Variants in PPFIA2 observed in about 807,000 individuals in gnomAD.
PPFIA2 encodes the protein liprin-alpha-2.
Under a neutral mutation model 175.5 loss-of-function variants are expected in PPFIA2, and 46 were observed. The ratio of observed to expected loss-of-function variants is 0.26; its 90% CI spans 0.21 to 0.34. PPFIA2 has a LOEUF of 0.34. Ranked by LOEUF, PPFIA2 falls within the 10% of genes least tolerant of loss-of-function variation. PPFIA2 has a pLI of 1.00. For synonymous variants in PPFIA2, 568 were observed against 511.4 expected (o/e 1.11, Z -1.49); for missense variants, 1,179 against 1,506.1 (o/e 0.78, Z 3.60).
At position 81,312,150 on chromosome 12, in the gene PPFIA2, T is replaced by C. The variant is rs2051088142; in HGVS notation, c.2643-12768A>G. The stretch of plus-strand genomic sequence containing the variant: ...TAAACATGTTCAGCAGCCATTGTGA[T>C]TCAACTTACCCAGATGTGCTTTTCA... On this transcript the variant is annotated intron_variant, in intron 22 of 32. Coordinates refer to ENST00000549396, the MANE Select transcript of PPFIA2 (RefSeq NM_003625.5). 4.6e-6 allele frequency: 7 copies of C among 1,534,916 alleles called. No individual in the cohort carries two copies. The East Asian group carries it at 1.7e-4, about 38-fold the overall frequency.
At chr12:81,701,434 A>G (rs2076466176) in intron 3 of PPFIA2, among the ~76,000 whole-genome samples, 1 of 152,114 alleles carries the variant, frequency 6.6e-6, no homozygotes, top group Non-Finnish European at 1.5e-5. Flanking sequence ...ATCCATCCAC[A>G]TAATTTTGAT....
At chr12:81,594,097 C>A (rs2058987279) in intron 4 of PPFIA2, among the ~76,000 whole-genome samples, 1 of 152,052 alleles carries the variant, frequency 6.6e-6, no homozygotes, top group South Asian at 2.1e-4. Context: ...TATGTTGCAC[C>A]TGCCTTACAG....
chr12:81,263,018 T>C (rs1392281623), intron 31 of PPFIA2, among the ~76,000 whole-genome samples: 2 of 152,198 alleles, frequency 1.3e-5, no homozygotes, highest in Non-Finnish European at 2.9e-5. Flanking sequence ...CTTTTTGGGA[T>C]GTTATAAATT....
At chr12:81,298,674 GT>G (rs1565991185) in intron 23 of PPFIA2, among the ~76,000 whole-genome samples, 1 of 152,172 alleles carries the variant, frequency 6.6e-6, no homozygotes, top group East Asian at 1.9e-4. Flanking sequence ...GTCAAGGTCA[GT>G]TTCTGCTGCC....
At chr12:81,413,700 A>C (rs184856341) in intron 7 of PPFIA2, among the ~76,000 whole-genome samples, 1 of 151,860 alleles carries the variant, frequency 6.6e-6, no homozygotes, top group Non-Finnish European at 1.5e-5. Flanking sequence ...AATATGATTC[A>C]CATGCATTGA....
intron 4 of PPFIA2, among the ~76,000 whole-genome samples, chr12:81,671,344 C>A (rs1346741063): frequency 6.6e-6 from 1 of 151,870 alleles, no homozygotes; most frequent in Non-Finnish European, 1.5e-5. Context: ...CTTGTTGTCA[C>A]CTTACAGGCT....
In PPFIA2 at chr12:81,263,257, C is replaced by T; in HGVS notation, c.3689G>A (p.Gly1230Glu). 1.2e-6 allele frequency: 2 copies of T among 1,610,528 alleles called. No homozygotes were observed. The highest frequency in any genetic ancestry group is 1.7e-6 in the Non-Finnish European group (2 of 1,177,980). ...ATCTGTTGTCATTTTTCTTGACTGC[C>T]CAGAGGTTGTGGTTAACCTAAATCC... The part of the protein sequence containing the change: ...PAGFRLTTTS[G>E]QSRKMTTDVA... The change falls in exon 31 of 33, where the codon GGG becomes GAG. Residue 1230 changes from glycine to glutamate, a missense_variant. Coordinates refer to ENST00000549396, the MANE Select transcript of PPFIA2 (RefSeq NM_003625.5).
chr12:81,334,504 AT>A, intron 21 of PPFIA2, among the ~76,000 whole-genome samples: 1 of 151,400 alleles, frequency 6.6e-6, no homozygotes, highest in African/African-American at 2.4e-5. Flanking sequence ...AAAAAAAAAA[AT>A]AAATCTCCTC....
At chr12:81,529,703 C>T (rs1480083592) in intron 4 of PPFIA2, among the ~76,000 whole-genome samples, 3 of 151,896 alleles carry the variant, frequency 2.0e-5, no homozygotes, top group Non-Finnish European at 4.4e-5. Context: ...TTGGCTAACT[C>T]CAGCTCCTCC....
At chr12:81,382,037 AAGTATATC>A (rs2037838157) in intron 9 of PPFIA2, among the ~76,000 whole-genome samples, 2 of 152,304 alleles carry the variant, frequency 1.3e-5, no homozygotes, top group East Asian at 3.9e-4. Context: ...TATGATAACC[AAGTATATC>A]AGTAAAATAT....
intron 4 of PPFIA2, among the ~76,000 whole-genome samples, chr12:81,571,820 A>G (rs2072599499): frequency 6.6e-6 from 1 of 152,104 alleles, no homozygotes; most frequent in African/African-American, 2.4e-5. Context: ...ATTTTGTCCA[A>G]TGTGACAAGC....
At position 81,741,990 on chromosome 12, in the gene PPFIA2, A is replaced by G. The variant is rs2082380868; in HGVS notation, c.249+11983T>C. ...TGAAAAGGTAAAGAAAGCAAGCCAT[A>G]TGGTTATTTAGGGGACAACTTTTCC... On this transcript the variant is annotated intron_variant, in intron 3 of 32. Transcript: ENST00000549396. 1.3e-5 allele frequency among the ~76,000 whole-genome samples: 2 copies of G among 152,302 alleles called. 1 individual carries two copies. Among genetic ancestry groups the G allele is most frequent in the South Asian group, 4.1e-4 (2 of 4,828 alleles).
chr12:81,477,405 G>T (rs572186077), intron 4 of PPFIA2, among the ~76,000 whole-genome samples: 1 of 152,094 alleles, frequency 6.6e-6, no homozygotes, highest in Non-Finnish European at 1.5e-5. Context: ...TTTACAAAAT[G>T]ATATATTCCA....
chr12:81,731,694 G>A (rs2080933916), intron 3 of PPFIA2, among the ~76,000 whole-genome samples: 1 of 151,618 alleles, frequency 6.6e-6, no homozygotes, highest in Non-Finnish European at 1.5e-5. Flanking sequence ...ACAACCTTGG[G>A]TAGAATTGGA....
At chr12:81,510,251 ATG>A (rs893638848) in intron 4 of PPFIA2, among the ~76,000 whole-genome samples, 3 of 152,032 alleles carry the variant, frequency 2.0e-5, no homozygotes, top group African/African-American at 7.2e-5. Context: ...GTGTTTCTGT[ATG>A]TGTGTGTGAG....
intron 4 of PPFIA2, among the ~76,000 whole-genome samples, chr12:81,464,720 C>G (rs748196001): frequency 1.3e-5 from 2 of 152,098 alleles, no homozygotes; most frequent in Non-Finnish European, 2.9e-5. Context: ...ATAACCTCTT[C>G]TGGTCAACTT....
Position 81,647,218 on chromosome 12 carries a change from TAGAGG to T in PPFIA2, c.303+29568_303+29572del, listed in dbSNP as rs1214551536. Among the ~76,000 whole-genome samples the T allele has an allele frequency of 2.0e-5, 3 of 151,782 alleles. No homozygotes were observed. The East Asian group carries it at 5.8e-4, about 29-fold the overall frequency. On this transcript the variant is annotated intron_variant, in intron 4 of 32. Coordinates refer to ENST00000549396, the MANE Select transcript of PPFIA2 (RefSeq NM_003625.5). The stretch of plus-strand genomic sequence containing the variant: ...GGGCTTAGTAGCAGACCAGACATAG[TAGAGG>T]AAAGATCAGTGAACTTGAAAATGGG...
At chr12:81,380,962 CTGTGTGTGTGTGTGTGTGTGTG>C (rs71098139) in intron 9 of PPFIA2, among the ~76,000 whole-genome samples, 2 of 137,502 alleles carry the variant, frequency 1.5e-5, no homozygotes, top group Admixed American at 1.5e-4. Flanking sequence ...TTTCACAGTG[CTGTGTGTGTGTGTGTGTGTGTG>C]TGTGTGTGTG....
intron 18 of PPFIA2, among the ~76,000 whole-genome samples, chr12:81,346,924 A>C (rs1243290500): frequency 1.3e-5 from 2 of 151,924 alleles, no homozygotes; most frequent in Non-Finnish European, 2.9e-5. Flanking sequence ...TTTTAAAAAA[A>C]AATTATTTTA....
Sources: gnomAD v4.1 joint callset for allele counts (sites outside exome capture counted in the v4.1 genomes callset) on GRCh38, gnomAD v4.1.1 for gene constraint, MANE v1.5 for transcripts, NCBI Gene and HGNC (gene_info 2026-07-23, HGNC 2026-07-21) for gene names.